Variants in WWOX observed in about 807,000 individuals in gnomAD.
WWOX encodes WW domain containing oxidoreductase, also known as WW domain-containing oxidoreductase.
In WWOX, 69 loss-of-function variants were observed where a neutral mutation model predicts 46.2. That is an observed-to-expected ratio of 1.49 (90% CI 1.23 to 1.82). The LOEUF (loss-of-function observed/expected upper bound fraction) is 1.82. Ranked by LOEUF, WWOX falls within the 40% of genes most tolerant of loss-of-function variation. The pLI, the probability that WWOX is intolerant of heterozygous loss-of-function variation, is 0.00. For synonymous variants in WWOX, 359 were observed against 202.6 expected, an observed-to-expected ratio of 1.77 and a Z score of -6.56; for missense variants, 919 against 542.6, an observed-to-expected ratio of 1.69 and a Z score of -6.89.
chr16:78,299,784 C>G (rs1250848487), intron 5 of WWOX, among the ~76,000 whole-genome samples: 1 of 152,074 alleles, frequency 6.6e-6, no homozygotes, highest in African/African-American at 2.4e-5. Flanking sequence ...CCTGTTTGGC[C>G]TCCCAAAGTG....
chr16:78,309,231 A>C (rs1413679442), intron 5 of WWOX, among the ~76,000 whole-genome samples: 1 of 152,126 alleles, frequency 6.6e-6, no homozygotes, highest in East Asian at 1.9e-4. Flanking sequence ...GTGAGTTCTC[A>C]CGTGATCCGA....
intron 8 of WWOX, among the ~76,000 whole-genome samples, chr16:79,121,147 A>G (rs2049622790): frequency 1.3e-5 from 2 of 152,186 alleles, no homozygotes; most frequent in Non-Finnish European, 2.9e-5. Context: ...GTATCAAAAA[A>G]TGTTTACTCA....
intron 8 of WWOX, among the ~76,000 whole-genome samples, chr16:78,568,967 A>C (rs1346723956): frequency 6.6e-6 from 1 of 152,248 alleles, no homozygotes; most frequent in Admixed American, 6.5e-5. Flanking sequence ...CTATGTAAAC[A>C]GATGAGTAAC....
intron 8 of WWOX, among the ~76,000 whole-genome samples, chr16:78,751,003 T>C (rs886110473): frequency 3.9e-5 from 6 of 152,308 alleles, no homozygotes; most frequent in African/African-American, 1.4e-4. Context: ...TTTGAATGTA[T>C]ACCCACTAAT....
At chr16:79,194,811 G>T (rs1403350981) in intron 8 of WWOX, among the ~76,000 whole-genome samples, 1 of 152,082 alleles carries the variant, frequency 6.6e-6, no homozygotes, top group South Asian at 2.1e-4. Context: ...AGAGTTTCTG[G>T]AGAGAGTGCA....
chr16:78,242,145 T>G (rs2037671302), intron 5 of WWOX, among the ~76,000 whole-genome samples: 1 of 152,218 alleles, frequency 6.6e-6, no homozygotes, highest in Non-Finnish European at 1.5e-5. Flanking sequence ...TTTGTCTGCT[T>G]CTGCCTCGGG....
intron 8 of WWOX, among the ~76,000 whole-genome samples, chr16:78,764,146 T>A (rs2049868662): frequency 6.6e-6 from 1 of 152,170 alleles, no homozygotes. Flanking sequence ...GAAAAGTCAC[T>A]GTGTTTCTCC....
intron 8 of WWOX, among the ~76,000 whole-genome samples, chr16:78,660,321 C>A (rs933487621): frequency 1.1e-4 from 16 of 152,134 alleles, no homozygotes; most frequent in Admixed American, 9.8e-4. Context: ...TCTTCCCTGG[C>A]AGACAGTGGT....
chr16:78,314,528 T>G (rs1236920519), intron 5 of WWOX, among the ~76,000 whole-genome samples: 4 of 119,940 alleles, frequency 3.3e-5, no homozygotes, highest in Non-Finnish European at 7.8e-5. Flanking sequence ...TTTGTGGGGT[T>G]TTTTTTTTTT....
chr16:78,667,107 C>T (rs753591289), intron 8 of WWOX, among the ~76,000 whole-genome samples: 1 of 152,146 alleles, frequency 6.6e-6, no homozygotes, highest in Non-Finnish European at 1.5e-5. Context: ...TAAATTCAGT[C>T]ACGTCTTAAA....
chr16:78,548,688 C>G (rs1375153343), intron 8 of WWOX, among the ~76,000 whole-genome samples: 4 of 152,244 alleles, frequency 2.6e-5, no homozygotes, highest in African/African-American at 4.8e-5. Context: ...CCAGGTCATT[C>G]CAATTTATTT....
At chr16:79,118,013 T>C (rs956828976) in intron 8 of WWOX, among the ~76,000 whole-genome samples, 1 of 152,248 alleles carries the variant, frequency 6.6e-6, no homozygotes, top group African/African-American at 2.4e-5. Flanking sequence ...TTTAATTTCC[T>C]TCAAGAACTT....
intron 8 of WWOX, among the ~76,000 whole-genome samples, chr16:78,708,404 G>C (rs1326229404): frequency 6.6e-6 from 1 of 152,148 alleles, no homozygotes; most frequent in Non-Finnish European, 1.5e-5. Context: ...GCACCTACCT[G>C]TGACATCTTT....
At chr16:78,296,574 A>C (rs893328555) in intron 5 of WWOX, among the ~76,000 whole-genome samples, 11 of 151,588 alleles carry the variant, frequency 7.3e-5, no homozygotes, top group African/African-American at 2.7e-4. Context: ...ATCAACTTCA[A>C]GACATTGAGA....
At chr16:79,027,131 T>G (rs1329893407) in intron 8 of WWOX, among the ~76,000 whole-genome samples, 2 of 151,248 alleles carry the variant, frequency 1.3e-5, no homozygotes, top group African/African-American at 4.9e-5. Flanking sequence ...AATAAAATAA[T>G]TAGCTGGGCA....
chr16:78,497,222 G>C (rs2084938710), intron 8 of WWOX, among the ~76,000 whole-genome samples: 1 of 76,878 alleles, frequency 1.3e-5, no homozygotes, highest in South Asian at 4.4e-4. Context: ...TGATTCCACA[G>C]CACATACTCA....
intron 5 of WWOX, among the ~76,000 whole-genome samples, chr16:78,240,750 C>T (rs928976836): frequency 1.3e-5 from 2 of 152,306 alleles, no homozygotes; most frequent in East Asian, 1.9e-4. Context: ...TTCACAAGAA[C>T]CTGCGAGGGC....
At chr16:79,074,771 G>A (rs1369757392) in intron 8 of WWOX, among the ~76,000 whole-genome samples, 1 of 151,982 alleles carries the variant, frequency 6.6e-6, no homozygotes, top group Non-Finnish European at 1.5e-5. Context: ...TCAGAAAATA[G>A]CAAGTTATTT....
intron 8 of WWOX, among the ~76,000 whole-genome samples, chr16:79,138,392 C>T (rs886681603): frequency 9.2e-5 from 14 of 152,154 alleles, no homozygotes; most frequent in African/African-American, 3.4e-4. Context: ...AGTGCCTTCC[C>T]CATTTGACTT....
Sources: allele counts gnomAD v4.1 joint callset (sites outside exome capture counted in the v4.1 genomes callset), GRCh38; gene constraint gnomAD v4.1.1; transcripts MANE v1.5; gene names NCBI Gene and HGNC (gene_info 2026-07-23, HGNC 2026-07-21).